Variants in RAPGEF6 observed in about 807,000 individuals in gnomAD.
The protein encoded by RAPGEF6 is Rap guanine nucleotide exchange factor 6, also known as PDZ domain containing guanine nucleotide exchange factor (GEF) 2.
A neutral mutation model predicts 171.4 loss-of-function variants in RAPGEF6; 56 were observed. The ratio of observed to expected loss-of-function variants is 0.33; its 90% CI spans 0.26 to 0.41. The LOEUF (loss-of-function observed/expected upper bound fraction) is 0.41, where lower values mean the gene tolerates loss of function less well. RAPGEF6 is among the 10% of genes least tolerant of loss of function. The probability of loss-of-function intolerance (pLI) is 1.00; values close to 1 mark genes in which losing one functional copy is unlikely to be tolerated. For synonymous variants in RAPGEF6, 692 were observed against 650.1 expected, an observed-to-expected ratio of 1.06 and a Z score of -0.98; for missense variants, 1,674 against 1,921.4, an observed-to-expected ratio of 0.87 and a Z score of 2.41.
At chr5:131,499,959 C>T (rs1222506690) in intron 11 of RAPGEF6, among the ~76,000 whole-genome samples, 1 of 152,150 alleles carries the variant, frequency 6.6e-6, no homozygotes, top group African/African-American at 2.4e-5. Flanking sequence ...AGTGCCGCTG[C>T]GCGATCTCAG....
In RAPGEF6 at chr5:131,612,678, C is replaced by T. The variant is rs149813176; in HGVS notation, c.70-7985G>A. ...AACAAGTTCTGAAAATTGTAATACA[C>T]AAAAGTTAGGTTATGGCAAACAGAA... On this transcript the variant is annotated intron_variant, in intron 1 of 27. Transcript: ENST00000509018. Among the ~76,000 whole-genome samples, 973 of 152,186 alleles carry T rather than the reference C, an allele frequency of 6.4e-3. 2 individuals carry two copies. The highest frequency in any genetic ancestry group is 0.017 in the Middle Eastern group (5 of 294).
At chr5:131,595,212 TG>T (rs1327108678) in intron 3 of RAPGEF6, among the ~76,000 whole-genome samples, 1 of 152,210 alleles carries the variant, frequency 6.6e-6, no homozygotes, top group Non-Finnish European at 1.5e-5. Context: ...TCCCCCATGC[TG>T]TTCTCATGAC....
chr5:131,428,523 C>T (rs1425435203), intron 27 of RAPGEF6, among the ~76,000 whole-genome samples: 1 of 151,046 alleles, frequency 6.6e-6, no homozygotes, highest in South Asian at 2.1e-4. Flanking sequence ...TGCAATGGTG[C>T]GATCTTGGCT....
chr5:131,601,313 A>G (rs1764241335), intron 3 of RAPGEF6, among the ~76,000 whole-genome samples: 1 of 149,332 alleles, frequency 6.7e-6, no homozygotes, highest in Non-Finnish European at 1.5e-5. Flanking sequence ...TGAACCCGAG[A>G]GGCAGAGGTT....
rs188514972 is a variant in RAPGEF6 at position 131,493,182 on chromosome 5, A to G, written c.1528-397T>C. ...CGGGTTCATGCCATTCTCCTGCCTC[A>G]GCCTCCCGAGTAGCTGGGACTACAG... On this transcript the variant is annotated intron_variant, in intron 13 of 27. Transcript: ENST00000509018. Among the ~76,000 whole-genome samples the G allele has an allele frequency of 3.0e-3, 450 of 152,156 alleles. 7 individuals carry two copies. Among genetic ancestry groups the G allele is most frequent in the Non-Finnish European group, 3.4e-3 (230 of 67,990 alleles).
At chr5:131,503,545 A>T (rs1000918024) in intron 11 of RAPGEF6, among the ~76,000 whole-genome samples, 2 of 152,232 alleles carry the variant, frequency 1.3e-5, no homozygotes, top group African/African-American at 4.8e-5. Flanking sequence ...AGGGAAGAAG[A>T]AGTATGACAT....
Position 131,495,612 on chromosome 5 carries a change from C to G in RAPGEF6, c.1468G>C (p.Glu490Gln). 1 of 1,613,674 alleles carries G rather than the reference C, an allele frequency of 6.2e-7. No homozygotes were observed. Among genetic ancestry groups the G allele is most frequent in the South Asian group, 1.1e-5 (1 of 91,024 alleles). ...AATCGAGTCATAGCAGGGTCACCTT[C>G]AAAATCATTAAAATGATTATTTACC... is the stretch of plus-strand genomic sequence containing the variant. Reference protein sequence around the residue: ...LWVNNHFNDFEGDPAMTRFLE... With the variant: ...LWVNNHFNDFQGDPAMTRFLE... Residue 490 changes from glutamate (E) to glutamine (Q), a missense_variant, in exon 13 of 28, where the codon GAA becomes CAA. By Grantham distance (29) the Glu-to-Gln change is conservative (BLOSUM62 2). This residue lies in a region of RAPGEF6 where 1,116 missense variants were observed against 1,321.5 expected (regional missense o/e 0.84). Transcript: ENST00000509018.
chr5:131,515,213 C>T (rs920619148), intron 7 of RAPGEF6, among the ~76,000 whole-genome samples: 3 of 152,168 alleles, frequency 2.0e-5, no homozygotes, highest in African/African-American at 4.8e-5. Flanking sequence ...ACTTTCAGTG[C>T]CTCTCTTTTC....
Position 131,432,102 on chromosome 5 carries a change from T to C in RAPGEF6, c.3975-753A>G, listed in dbSNP as rs74666984. 6.9e-3 allele frequency among the ~76,000 whole-genome samples: 1,043 copies of C among 152,198 alleles called. 5 individuals are homozygous for C. Among genetic ancestry groups the C allele is most frequent in the Middle Eastern group, 0.014 (4 of 294 alleles). The stretch of plus-strand genomic sequence containing the variant: ...TTTTTGTATGGTCTGGAGCAAAGAA[T>C]AGTTCTGTTTTTTAACCTTTTAAAA... On this transcript the variant is annotated intron_variant, in intron 25 of 27. Transcript: ENST00000509018.
intron 1 of RAPGEF6, among the ~76,000 whole-genome samples, chr5:131,622,731 T>C (rs1765666788): frequency 6.6e-6 from 1 of 152,144 alleles, no homozygotes; most frequent in African/African-American, 2.4e-5. Flanking sequence ...TCTATCCAAC[T>C]GGATTTACAA....
chr5:131,609,545 G>C (rs1308692819), intron 1 of RAPGEF6, among the ~76,000 whole-genome samples: 4 of 151,800 alleles, frequency 2.6e-5, no homozygotes, highest in African/African-American at 9.7e-5. Flanking sequence ...TAGATGATTA[G>C]ACTGACCACA....
intron 6 of RAPGEF6, among the ~76,000 whole-genome samples, chr5:131,526,172 T>C (rs1248274975): frequency 2.6e-5 from 4 of 152,142 alleles, no homozygotes; most frequent in East Asian, 1.9e-4. Flanking sequence ...TATAAGCAAA[T>C]AGCATCTGTT....
At chr5:131,472,140 C>T (rs188642975) in intron 17 of RAPGEF6, 61 of 199,778 alleles carry the variant, frequency 3.1e-4, no homozygotes, top group Middle Eastern at 2.2e-3. Flanking sequence ...GGTCCGATCT[C>T]GGCTCACTGC....
At chr5:131,546,464 C>T (rs561310951) in intron 6 of RAPGEF6, among the ~76,000 whole-genome samples, 7 of 151,968 alleles carry the variant, frequency 4.6e-5, no homozygotes, top group African/African-American at 1.2e-4. Context: ...ATTAGCTGGG[C>T]GTGGTGGCGG....
At chr5:131,568,965 A>G (rs1762114750) in intron 4 of RAPGEF6, among the ~76,000 whole-genome samples, 1 of 152,244 alleles carries the variant, frequency 6.6e-6, no homozygotes, top group South Asian at 2.1e-4. Context: ...AAATGAAATT[A>G]AGATACAATT....
At chr5:131,619,267 G>A (rs1765463563) in intron 1 of RAPGEF6, among the ~76,000 whole-genome samples, 1 of 152,090 alleles carries the variant, frequency 6.6e-6, no homozygotes, top group African/African-American at 2.4e-5. Context: ...TGAACAATGA[G>A]GATACATGGA....
intron 1 of RAPGEF6, among the ~76,000 whole-genome samples, chr5:131,629,583 G>T (rs1225275457): frequency 8.0e-6 from 1 of 124,910 alleles, no homozygotes; most frequent in African/African-American, 2.7e-5. Flanking sequence ...GCAAGGCCTC[G>T]TCTCTACAAA....
intron 18 of RAPGEF6, among the ~76,000 whole-genome samples, chr5:131,462,298 A>C (rs542044572): frequency 6.6e-6 from 1 of 152,236 alleles, no homozygotes; most frequent in African/African-American, 2.4e-5. Flanking sequence ...TCTATTAAAG[A>C]GTAAAAATAA....
intron 1 of RAPGEF6, among the ~76,000 whole-genome samples, chr5:131,627,404 C>T (rs962145550): frequency 3.9e-5 from 6 of 152,168 alleles, no homozygotes; most frequent in Non-Finnish European, 2.9e-5. Context: ...GAAGTGCTAC[C>T]TTTTTAACAT....
Sources: allele counts gnomAD v4.1 joint callset (sites outside exome capture counted in the v4.1 genomes callset), GRCh38; gene constraint gnomAD v4.1.1; regional missense constraint gnomAD v4.1.1; transcripts MANE v1.5; gene names NCBI Gene and HGNC (gene_info 2026-07-23, HGNC 2026-07-21).